The following KIAA1549L variants were observed in gnomAD, a reference collection of about 807,000 sequenced individuals.
The protein encoded by KIAA1549L is KIAA1549 like, also known as UPF0606 protein KIAA1549L.
In KIAA1549L, 88 loss-of-function variants were observed where a neutral mutation model predicts 160.7. The observed-to-expected ratio is 0.55, with a 90% CI of 0.46 to 0.65. The LOEUF (loss-of-function observed/expected upper bound fraction) is 0.65, where lower values mean the gene tolerates loss of function less well. KIAA1549L is among the 30% of genes least tolerant of loss of function. The pLI is 0.00. For missense variants in KIAA1549L, 2,258 were observed against 2,437.5 expected, an observed-to-expected ratio of 0.93 and a Z score of 1.55; for synonymous variants, 950 against 976.7, an observed-to-expected ratio of 0.97 and a Z score of 0.51.
intron 6 of KIAA1549L, among the ~76,000 whole-genome samples, chr11:33,557,499 A>G (rs1319876401): frequency 6.6e-6 from 1 of 152,200 alleles, no homozygotes; most frequent in African/African-American, 2.4e-5. Flanking sequence ...GCTAAACCAC[A>G]TTCCAAAAAT....
At chr11:33,434,619 G>C (rs1259262016) in intron 1 of KIAA1549L, among the ~76,000 whole-genome samples, 2 of 152,132 alleles carry the variant, frequency 1.3e-5, no homozygotes, top group Non-Finnish European at 2.9e-5. Context: ...TCCTGTTCTG[G>C]GCCCCACTCA....
chr11:33,527,294 G>A (rs1214505048), intron 1 of KIAA1549L, among the ~76,000 whole-genome samples: 1 of 152,028 alleles, frequency 6.6e-6, no homozygotes, highest in African/African-American at 2.4e-5. Flanking sequence ...AGCCAAATAC[G>A]TATAGCCAAC....
At chr11:33,538,237 C>T (rs1315312448) in intron 1 of KIAA1549L, among the ~76,000 whole-genome samples, 1 of 152,156 alleles carries the variant, frequency 6.6e-6, no homozygotes, top group Non-Finnish European at 1.5e-5. Context: ...ATTCAATAAC[C>T]TCGACCTGGT....
chr11:33,458,922 A>G (rs1419004316), intron 1 of KIAA1549L, among the ~76,000 whole-genome samples: 1 of 152,194 alleles, frequency 6.6e-6, no homozygotes, highest in Non-Finnish European at 1.5e-5. Context: ...CAAGACTTAG[A>G]ATCTGAGAAA....
chr11:33,617,241 T>G (rs539744647), intron 15 of KIAA1549L, among the ~76,000 whole-genome samples: 5 of 152,218 alleles, frequency 3.3e-5, no homozygotes, highest in Admixed American at 3.3e-4. Context: ...GGAAGTGCTA[T>G]CCCTTTGCCA....
chr11:33,509,787 T>C (rs1030493167), intron 1 of KIAA1549L, among the ~76,000 whole-genome samples: 1 of 152,212 alleles, frequency 6.6e-6, no homozygotes, highest in African/African-American at 2.4e-5. Flanking sequence ...TTGGAATGAA[T>C]GTAGCCACCT....
intron 1 of KIAA1549L, among the ~76,000 whole-genome samples, chr11:33,500,747 G>A (rs1852927880): frequency 6.6e-6 from 1 of 151,990 alleles, no homozygotes; most frequent in African/African-American, 2.4e-5. Context: ...ATTGTATACA[G>A]GTATCAAAAT....
intron 1 of KIAA1549L, among the ~76,000 whole-genome samples, chr11:33,459,812 T>A (rs2132994519): frequency 6.7e-6 from 1 of 149,832 alleles, no homozygotes; most frequent in East Asian, 1.9e-4. Flanking sequence ...ATACAAAAAA[T>A]TAGCCGGGCG....
At chr11:33,419,715 C>T (rs910058949) in intron 1 of KIAA1549L, among the ~76,000 whole-genome samples, 7 of 152,014 alleles carry the variant, frequency 4.6e-5, no homozygotes, top group Admixed American at 6.6e-5. Flanking sequence ...GGCATGGTGG[C>T]ACACGCTTGT....
chr11:33,583,083 A>C (rs1488698285), intron 10 of KIAA1549L, among the ~76,000 whole-genome samples: 1 of 152,192 alleles, frequency 6.6e-6, no homozygotes, highest in Non-Finnish European at 1.5e-5. Context: ...TTACTGAGCA[A>C]CTACTAGAGA....
At chr11:33,447,613 A>G (rs1851640341) in intron 1 of KIAA1549L, among the ~76,000 whole-genome samples, 1 of 123,430 alleles carries the variant, frequency 8.1e-6, no homozygotes, top group Non-Finnish European at 1.8e-5. Context: ...GTATACATGC[A>G]CATGAACTTG....
At chr11:33,582,187 G>A (rs917034892) in intron 10 of KIAA1549L, among the ~76,000 whole-genome samples, 7 of 152,332 alleles carry the variant, frequency 4.6e-5, no homozygotes, top group East Asian at 1.9e-4. Context: ...ATTAATCACC[G>A]ATTGATAAAA....
chr11:33,488,783 T>C (rs1376461814), intron 1 of KIAA1549L, among the ~76,000 whole-genome samples: 1 of 152,256 alleles, frequency 6.6e-6, no homozygotes, highest in African/African-American at 2.4e-5. Context: ...AGAGTTTCTC[T>C]CACCTGCCTA....
At chr11:33,494,778 A>G (rs761084949) in intron 1 of KIAA1549L, among the ~76,000 whole-genome samples, 3 of 152,220 alleles carry the variant, frequency 2.0e-5, no homozygotes, top group Non-Finnish European at 4.4e-5. Context: ...TCCCAGGTGC[A>G]TGGCTGAATT....
intron 1 of KIAA1549L, among the ~76,000 whole-genome samples, chr11:33,390,087 C>T (rs1311287835): frequency 6.6e-6 from 1 of 152,194 alleles, no homozygotes; most frequent in Non-Finnish European, 1.5e-5. Flanking sequence ...GATTCTCATA[C>T]CAACCCTATG....
chr11:33,658,287 T>C (rs1041333175), intron 18 of KIAA1549L, among the ~76,000 whole-genome samples: 12 of 152,102 alleles, frequency 7.9e-5, no homozygotes, highest in African/African-American at 2.9e-4. Context: ...ATAGGGAATG[T>C]GGCTCCCCAG....
At chr11:33,415,267 T>C (rs929174224) in intron 1 of KIAA1549L, among the ~76,000 whole-genome samples, 14 of 152,168 alleles carry the variant, frequency 9.2e-5, no homozygotes, top group African/African-American at 3.4e-4. Flanking sequence ...TTGGGCACGG[T>C]ATTTGACAGT....
At position 33,424,912 on chromosome 11, in the gene KIAA1549L, T is replaced by C. The variant is rs568369944; in HGVS notation, c.238+48023T>C. Among the ~76,000 whole-genome samples the C allele has an allele frequency of 1.4e-3, 208 of 152,374 alleles. 2 individuals carry two copies. The highest frequency in any genetic ancestry group is 4.8e-3 in the African/African-American group (198 of 41,590). ...GGAGAGGTGCTGCCTTTCTGGCCTC[T>C]GTACAGAGGGCATGAGGAAAGCTAA... On this transcript the variant is annotated intron_variant, in intron 1 of 20. Coordinates refer to ENST00000658780, the MANE Select transcript of KIAA1549L (RefSeq NM_012194.3).
At chr11:33,432,201 C>T (rs1235173508) in intron 1 of KIAA1549L, among the ~76,000 whole-genome samples, 1 of 152,170 alleles carries the variant, frequency 6.6e-6, no homozygotes, top group Non-Finnish European at 1.5e-5. Context: ...CACAGTGCAG[C>T]GGTGGGCTGA....
Sources: allele counts gnomAD v4.1 joint callset (sites outside exome capture counted in the v4.1 genomes callset), GRCh38; gene constraint gnomAD v4.1.1; transcripts MANE v1.5; gene names NCBI Gene and HGNC (gene_info 2026-07-23, HGNC 2026-07-21).